TOR1AIP2: variants seen among roughly 807,000 people sequenced by gnomAD.
The protein encoded by TOR1AIP2 is torsin-1A-interacting protein 2.
A neutral mutation model predicts 32.6 loss-of-function variants in TOR1AIP2; 20 were observed. The observed-to-expected ratio is 0.61, with a 90% CI of 0.43 to 0.89. The LOEUF is 0.89. Among genes scored for constraint, TOR1AIP2 ranks in the 40% least tolerant of loss-of-function variants. The pLI is 0.00. For missense variants in TOR1AIP2, 456 were observed against 553.8 expected (o/e 0.82, Z 1.77); for synonymous variants, 214 against 210.8 (o/e 1.02, Z -0.13).
At chr1:179,875,377 A>T (rs1697157154) in intron 2 of TOR1AIP2, 1 of 152,210 alleles carries the variant, frequency 6.6e-6, no homozygotes, top group Non-Finnish European at 1.5e-5. Flanking sequence ...GGCAGTGTGA[A>T]GATCAAATGA....
chr1:179,846,287 C>T lies in TOR1AIP2; in HGVS notation c.1197G>A (p.Leu399=), dbSNP rs139901849. Residue 399 remains leucine, a synonymous_variant, in exon 7 of 7, where the codon CTG becomes CTA. Transcript: ENST00000609928. ...FKDVALVLTV[L]LEEETLEASV... ...TTGCTTCTAATGTTTCCTCCTCTAG[C>T]AGAACAGTCAGGACCAGGGCCACAT... The T allele has an allele frequency of 1.2e-6, 2 of 1,614,216 alleles. No individual in the cohort carries two copies. Among genetic ancestry groups the T allele is most frequent in the Non-Finnish European group, 1.7e-6 (2 of 1,180,040 alleles).
chr1:179,863,773 T>A (rs1184648726), intron 3 of TOR1AIP2: 1 of 984,396 alleles, frequency 1.0e-6, no homozygotes, highest in Non-Finnish European at 1.2e-6. Flanking sequence ...AAGCACTAGA[T>A]ACCTAGATAC....
In TOR1AIP2 at chr1:179,844,546, A is replaced by G. The variant is rs1163182976; in HGVS notation, c.*1525T>C. On this transcript the variant is annotated 3_prime_UTR_variant, in exon 7 of 7. Coordinates refer to ENST00000609928, the MANE Select transcript of TOR1AIP2 (RefSeq NM_001199260.2). ...TTTGTTAGGTCGAGATCATTTTACTAGAGTTCTGCTTTCAGAGCTCAAATG... is the reference window on the plus strand; with the variant it reads ...TTTGTTAGGTCGAGATCATTTTACTGGAGTTCTGCTTTCAGAGCTCAAATG... 1 of 151,986 alleles carries G rather than the reference A, an allele frequency of 6.6e-6. No individual in the cohort carries two copies. Among genetic ancestry groups the G allele is most frequent in the Non-Finnish European group, 1.5e-5 (1 of 68,016 alleles). 9.4% of individuals were successfully genotyped at this position (151,986 alleles called of 1,614,324 possible).
chr1:179,847,343 T>C (rs1447003091), intron 6 of TOR1AIP2, among the ~76,000 whole-genome samples, 192 bp downstream of exon 6: 11 of 152,220 alleles, frequency 7.2e-5, no homozygotes, highest in Non-Finnish European at 1.6e-4. Flanking sequence ...CAGCAAAATA[T>C]CAGCCAGCAC....
chr1:179,872,150 C>G (rs1452909570), intron 2 of TOR1AIP2, among the ~76,000 whole-genome samples: 2 of 152,160 alleles, frequency 1.3e-5, no homozygotes, highest in Non-Finnish European at 2.9e-5. Flanking sequence ...AACTGACAAA[C>G]GAAACAGGTG....
intron 2 of TOR1AIP2, among the ~76,000 whole-genome samples, chr1:179,872,741 A>G (rs528652391): frequency 6.6e-6 from 1 of 152,272 alleles, no homozygotes; most frequent in African/African-American, 2.4e-5. Context: ...GTTTCGGTTG[A>G]CCACGTAGAG....
At chr1:179,869,399 A>C in intron 2 of TOR1AIP2, among the ~76,000 whole-genome samples, 1 of 152,262 alleles carries the variant, frequency 6.6e-6, no homozygotes, top group East Asian at 1.9e-4. Context: ...AGATAATTGT[A>C]ATTTTGTTTT....
chr1:179,848,999 G>A lies in TOR1AIP2; in HGVS notation c.554-1363C>T, dbSNP rs1010735965. Among the ~76,000 whole-genome samples, 8 of 152,142 alleles carry A rather than the reference G, an allele frequency of 5.3e-5. No homozygotes were observed. In the South Asian group the frequency reaches 1.5e-3, roughly 28 times the overall value. The stretch of plus-strand genomic sequence containing the variant: ...CAAAAAAAAAAAATTAGTTGGGCAC[G>A]GTGGCGGGTGCCTGTAGTCCCAGCT... On this transcript the variant is annotated intron_variant, in intron 5 of 6. Transcript: ENST00000609928.
At chr1:179,854,095 T>C (rs1148813) in intron 3 of TOR1AIP2, among the ~76,000 whole-genome samples, 15,059 of 152,174 alleles carry the variant, frequency 0.099, 1,303 homozygotes, top group African/African-American at 0.23. Flanking sequence ...AAGTTTCCTA[T>C]GTACCAATAA....
At chr1:179,871,214 C>CA (rs988953669) in intron 2 of TOR1AIP2, among the ~76,000 whole-genome samples, 13 of 151,692 alleles carry the variant, frequency 8.6e-5, no homozygotes, top group African/African-American at 2.4e-4. Context: ...AAACAGTGAG[C>CA]AAAAAAACAA....
chr1:179,864,729 G>A, intron 3 of TOR1AIP2: 1 of 1,517,260 alleles, frequency 6.6e-7, no homozygotes. Flanking sequence ...CATCTTCCTT[G>A]GGCTACCTAC....
chr1:179,863,180 T>C lies in TOR1AIP2; in HGVS notation c.-147+2256A>G, dbSNP rs899818877. On this transcript the variant is annotated intron_variant, in intron 3 of 6. Transcript: ENST00000609928. The stretch of plus-strand genomic sequence containing the variant: ...GGCAGAGGTTGCAGTGAACCAAGAC[T>C]GCCACTGCACTCCAGCCTGGGCGAC... The C allele has an allele frequency of 1.9e-4, 160 of 856,050 alleles. No homozygotes were observed. In the African/African-American group the frequency reaches 3.0e-3, roughly 16 times the overall value. 53.0% of individuals were successfully genotyped at this position (856,050 alleles called of 1,614,324 possible). A position where few individuals can be genotyped will look rare whatever the true frequency, so the allele number is the denominator to read the frequency against.
chr1:179,852,461 T>C (rs1385024463), intron 4 of TOR1AIP2, among the ~76,000 whole-genome samples, 171 bp downstream of exon 4: 3 of 152,174 alleles, frequency 2.0e-5, no homozygotes, highest in Non-Finnish European at 4.4e-5. Context: ...GGTCTCGCAT[T>C]ATAGTAAAAT....
intron 2 of TOR1AIP2, among the ~76,000 whole-genome samples, chr1:179,873,371 A>G (rs1480042704): frequency 6.6e-6 from 1 of 152,198 alleles, no homozygotes; most frequent in African/African-American, 2.4e-5. Context: ...GAGTTTTACA[A>G]TATTTTATCA....
At chr1:179,857,688 A>G (rs1277271371) in intron 3 of TOR1AIP2, among the ~76,000 whole-genome samples, 1 of 152,250 alleles carries the variant, frequency 6.6e-6, no homozygotes, top group East Asian at 1.9e-4. Context: ...ATTAAGTGCT[A>G]TAAGGCTAAC....
chr1:179,840,692 AAAG>A lies in TOR1AIP2; in HGVS notation c.*5376_*5378del, dbSNP rs1470125820. 2.0e-5 allele frequency: 3 copies of A among 151,232 alleles called. No individual in the cohort carries two copies. Among genetic ancestry groups the A allele is most frequent in the Non-Finnish European group, 4.4e-5 (3 of 67,888 alleles). 9.4% of individuals were successfully genotyped at this position (151,232 alleles called of 1,614,324 possible). A position where few individuals can be genotyped will look rare whatever the true frequency, so the allele number is the denominator to read the frequency against. On this transcript the variant is annotated 3_prime_UTR_variant, in exon 7 of 7. Transcript: ENST00000609928. Reference sequence around the variant, plus strand: ...TCTCACTCATAGGTGGGAATTGAACAAAGAAAACACTTGGACACAGGGCAGGGA... The same window carrying A: ...TCTCACTCATAGGTGGGAATTGAACAAAAACACTTGGACACAGGGCAGGGA...
At chr1:179,875,380 T>C (rs1697157350) in intron 2 of TOR1AIP2, 1 of 152,070 alleles carries the variant, frequency 6.6e-6, no homozygotes, top group South Asian at 2.1e-4. Context: ...AGTGTGAAGA[T>C]CAAATGAGAT....
chr1:179,856,761 G>A (rs539404400), intron 3 of TOR1AIP2, among the ~76,000 whole-genome samples: 5 of 152,104 alleles, frequency 3.3e-5, no homozygotes, highest in Non-Finnish European at 5.9e-5. Flanking sequence ...CTACAGCTGC[G>A]CACCACCGTG....
At chr1:179,852,572 T>C in intron 4 of TOR1AIP2, 60 bp downstream of exon 4, 3 of 1,580,144 alleles carry the variant, frequency 1.9e-6, no homozygotes, top group Non-Finnish European at 2.6e-6. Context: ...AGATTTTCTC[T>C]CTCTGCACAC....
Sources: gnomAD v4.1 joint callset for allele counts (sites outside exome capture counted in the v4.1 genomes callset) on GRCh38, gnomAD v4.1.1 for gene constraint, MANE v1.5 for transcripts, NCBI Gene and HGNC (gene_info 2026-07-23, HGNC 2026-07-21) for gene names.